Variants in CEP89 observed in about 807,000 individuals in gnomAD.
CEP89 encodes centrosomal protein of 89 kDa.
Under a neutral mutation model 97.6 loss-of-function variants are expected in CEP89, and 95 were observed. The ratio of observed to expected loss-of-function variants is 0.97; its 90% CI spans 0.82 to 1.15. The LOEUF (loss-of-function observed/expected upper bound fraction) is 1.15, where lower values mean the gene tolerates loss of function less well. Among genes scored for constraint, CEP89 ranks in the 50% most tolerant of loss-of-function variants. CEP89 has a pLI of 0.00. For missense variants in CEP89, 869 were observed against 947.7 expected, an observed-to-expected ratio of 0.92 and a Z score of 1.09; for synonymous variants, 354 against 349.1, an observed-to-expected ratio of 1.01 and a Z score of -0.16.
intron 6 of CEP89, among the ~76,000 whole-genome samples, chr19:32,938,876 G>A (rs1599759172): frequency 6.6e-6 from 1 of 152,292 alleles, no homozygotes; most frequent in South Asian, 2.1e-4. Context: ...CTTGAATCCA[G>A]GAGGCGGAGG....
chr19:32,892,093 T>A (rs1355479101), intron 16 of CEP89, among the ~76,000 whole-genome samples: 1 of 112,260 alleles, frequency 8.9e-6, no homozygotes, highest in Non-Finnish European at 2.0e-5. Context: ...GAATTCTAAA[T>A]ATATATATAT....
At chr19:32,959,019 A>T (rs1400854296) in intron 3 of CEP89, among the ~76,000 whole-genome samples, 1 of 143,238 alleles carries the variant, frequency 7.0e-6, no homozygotes, top group Admixed American at 7.5e-5. Flanking sequence ...TTCTGTCTCA[A>T]AACAAAACAA....
intron 5 of CEP89, among the ~76,000 whole-genome samples, chr19:32,942,117 C>A (rs1970698997): frequency 6.6e-6 from 1 of 152,178 alleles, no homozygotes; most frequent in Non-Finnish European, 1.5e-5. Flanking sequence ...CACACTGGCA[C>A]ATGCCTGTAA....
Position 32,899,896 on chromosome 19 carries a change from T to C in CEP89, c.1836A>G (p.Ala612=). ...TGTCACGTTCCTGGGTTATGTTTTC[T>C]GCCAGGCCAACAAGGTTTGCCAGGT... ...HQYLANLVGL[A]ENITQERDSL... is the part of the protein sequence containing the mutation. Residue 612 remains alanine (A), a synonymous_variant, in exon 16 of 19, where the codon GCA becomes GCG. Coordinates refer to ENST00000305768, the MANE Select transcript of CEP89 (RefSeq NM_032816.5). 1.9e-6 allele frequency: 3 copies of C among 1,614,082 alleles called. No homozygotes were observed. Among genetic ancestry groups the C allele is most frequent in the Non-Finnish European group, 1.7e-6 (2 of 1,179,948 alleles).
intron 15 of CEP89, among the ~76,000 whole-genome samples, chr19:32,900,245 C>CTT (rs1568549962): frequency 1.1e-5 from 1 of 91,572 alleles, no homozygotes; most frequent in Non-Finnish European, 2.3e-5. Context: ...TGAATAGGTT[C>CTT]ATTTTTTTTT....
At chr19:32,880,639 TA>T (rs60785987) in intron 18 of CEP89, among the ~76,000 whole-genome samples, 61,604 of 137,284 alleles carry the variant, frequency 0.45, 13,703 homozygotes, top group East Asian at 0.58. Flanking sequence ...ACCTTGTATT[TA>T]AAAAAAAAAA....
intron 17 of CEP89, among the ~76,000 whole-genome samples, chr19:32,886,252 T>C (rs947175683): frequency 1.3e-5 from 2 of 152,222 alleles, no homozygotes; most frequent in Admixed American, 1.3e-4. Context: ...TTTTTCTTCC[T>C]TTTCCTTAAA....
At chr19:32,959,297 C>T (rs980988969) in intron 3 of CEP89, among the ~76,000 whole-genome samples, 11 of 152,186 alleles carry the variant, frequency 7.2e-5, no homozygotes, top group Admixed American at 7.2e-4. Context: ...CATCCCAGCC[C>T]CACAAAGATC....
intron 16 of CEP89, among the ~76,000 whole-genome samples, chr19:32,897,157 C>T (rs895866989): frequency 1.4e-4 from 22 of 152,164 alleles, no homozygotes; most frequent in Non-Finnish European, 2.6e-4. Flanking sequence ...CTGAAGTGCA[C>T]AAGTTTGGGA....
chr19:32,948,218 G>T, intron 5 of CEP89, 48 bp downstream of exon 5: 1 of 1,103,426 alleles, frequency 9.1e-7, no homozygotes, highest in Non-Finnish European at 1.3e-6. Flanking sequence ...TATTCATTAT[G>T]AAAAAATGTT....
At chr19:32,939,350 A>T (rs941697310) in intron 6 of CEP89, among the ~76,000 whole-genome samples, 1 of 152,216 alleles carries the variant, frequency 6.6e-6, no homozygotes, top group South Asian at 2.1e-4. Flanking sequence ...TTTCATCATT[A>T]AACTATGGAA....
chr19:32,955,975 T>C (rs1971038254), intron 3 of CEP89, among the ~76,000 whole-genome samples: 1 of 152,146 alleles, frequency 6.6e-6, no homozygotes, highest in African/African-American at 2.4e-5. Flanking sequence ...TTACTGAGAC[T>C]GAATGTTTTT....
chr19:32,943,947 G>A (rs1970740962), intron 5 of CEP89, among the ~76,000 whole-genome samples: 1 of 151,962 alleles, frequency 6.6e-6, no homozygotes. Context: ...ATGGCTCTGG[G>A]CCAGATGAGG....
chr19:32,958,005 CA>C (rs975650627), intron 3 of CEP89, among the ~76,000 whole-genome samples: 27 of 123,006 alleles, frequency 2.2e-4, no homozygotes, highest in Non-Finnish European at 3.6e-4. Context: ...CAAAACAAAA[CA>C]AAAAAATCCC....
At position 32,953,668 on chromosome 19, in the gene CEP89, C is replaced by T. The variant is rs1036012115; in HGVS notation, c.439G>A (p.Glu147Lys). The T allele has an allele frequency of 1.2e-6, 2 of 1,613,956 alleles. No homozygotes were observed. The highest frequency in any genetic ancestry group is 1.7e-6 in the Non-Finnish European group (2 of 1,180,014). ...TCATCACTGTGGCCTCCTCTGTCCT[C>T]CCGGGCACTGACATCCCCCAATTCC... ...GKELGDVSAR[E>K]DRGGHSDDLY... The change falls in exon 4 of 19, where the codon GAG becomes AAG. Residue 147 changes from glutamate to lysine, a missense_variant. Physicochemically the swap from Glu to Lys is moderately conservative, Grantham distance 56. Coordinates refer to ENST00000305768, the MANE Select transcript of CEP89 (RefSeq NM_032816.5).
intron 16 of CEP89, among the ~76,000 whole-genome samples, chr19:32,888,199 A>T (rs1969440138): frequency 6.6e-6 from 1 of 152,208 alleles, no homozygotes; most frequent in South Asian, 2.1e-4. Context: ...ATCAACTCAT[A>T]ACTTGACTCA....
chr19:32,912,620 T>C (rs1040570776), intron 14 of CEP89, among the ~76,000 whole-genome samples: 1 of 152,246 alleles, frequency 6.6e-6, no homozygotes, highest in Admixed American at 6.5e-5. Flanking sequence ...TCGAAAACCC[T>C]GGTTGAAACA....
chr19:32,948,630 C>T (rs953458971), intron 4 of CEP89, among the ~76,000 whole-genome samples: 4 of 152,324 alleles, frequency 2.6e-5, no homozygotes, highest in Admixed American at 6.5e-5. Context: ...AGCTCCACAT[C>T]CCAGCCATGT....
Position 32,926,215 on chromosome 19 carries a change from T to G in CEP89, c.1139A>C (p.Lys380Thr). 1.2e-6 allele frequency: 2 copies of G among 1,613,740 alleles called. No individual in the cohort carries two copies. The highest frequency in any genetic ancestry group is 1.7e-6 in the Non-Finnish European group (2 of 1,179,668). The change falls in exon 11 of 19, where the codon AAG (lysine) becomes ACG (threonine). Residue 380 changes from lysine to threonine, a missense_variant. Lys to Thr is a moderately conservative substitution (Grantham distance 78). Transcript: ENST00000305768. Reference protein sequence around the residue: ...LLAYEDMMKEKDELNATLKEE... With the variant: ...LLAYEDMMKETDELNATLKEE... ...CTTGAGGGTGGCATTGAGCTCGTCCTTCTCTTTCATCATATCTTCATAAGC... is the reference window on the plus strand; with the variant it reads ...CTTGAGGGTGGCATTGAGCTCGTCCGTCTCTTTCATCATATCTTCATAAGC...
Sources: gnomAD v4.1 joint callset for allele counts (sites outside exome capture counted in the v4.1 genomes callset) on GRCh38, gnomAD v4.1.1 for gene constraint, MANE v1.5 for transcripts, NCBI Gene and HGNC (gene_info 2026-07-23, HGNC 2026-07-21) for gene names.